PTPRB: variants seen among roughly 807,000 people sequenced by gnomAD.
The protein encoded by PTPRB is protein tyrosine phosphatase receptor type B.
PTPRB carries 97 observed loss-of-function variants against 238.1 expected under a neutral mutation model. That is an observed-to-expected ratio of 0.41 (90% CI 0.35 to 0.48). The LOEUF (loss-of-function observed/expected upper bound fraction) is 0.48. Ranked by LOEUF, PTPRB falls within the 20% of genes least tolerant of loss-of-function variation. The pLI is 0.30. For synonymous variants in PTPRB, 970 were observed against 995.4 expected, an observed-to-expected ratio of 0.97 and a Z score of 0.48; for missense variants, 2,292 against 2,681.9, an observed-to-expected ratio of 0.85 and a Z score of 3.21.
At chr12:70,550,383 CT>C (rs1166848277) in intron 21 of PTPRB, among the ~76,000 whole-genome samples, 1 of 152,150 alleles carries the variant, frequency 6.6e-6, no homozygotes, top group Non-Finnish European at 1.5e-5. Context: ...GGAGACAAGG[CT>C]GGTGAGGCAG....
intron 9 of PTPRB, among the ~76,000 whole-genome samples, chr12:70,581,816 AAT>A (rs886858082): frequency 1.3e-4 from 20 of 150,500 alleles, no homozygotes; most frequent in African/African-American, 4.6e-4. Flanking sequence ...TATAAATTAT[AAT>A]ATATATATTA....
intron 3 of PTPRB, among the ~76,000 whole-genome samples, chr12:70,612,886 C>T (rs1223656553): frequency 6.6e-6 from 1 of 152,074 alleles, no homozygotes; most frequent in African/African-American, 2.4e-5. Flanking sequence ...ACTCAGGAGG[C>T]TGCAGCAGGA....
chr12:70,597,541 G>C (rs1052731923), intron 4 of PTPRB, among the ~76,000 whole-genome samples: 1 of 152,158 alleles, frequency 6.6e-6, no homozygotes, highest in Non-Finnish European at 1.5e-5. Flanking sequence ...TAGAACTATT[G>C]AGAGACCTCT....
At chr12:70,578,021 G>T (rs1880977102) in intron 10 of PTPRB, among the ~76,000 whole-genome samples, 1 of 151,952 alleles carries the variant, frequency 6.6e-6, no homozygotes, top group Non-Finnish European at 1.5e-5. Flanking sequence ...GGAAATATTT[G>T]CAACTACTAA....
In PTPRB at chr12:70,623,444, C is replaced by A. The variant is rs141482913; in HGVS notation, c.452-798G>T. 3.5e-3 allele frequency among the ~76,000 whole-genome samples: 526 copies of A among 152,296 alleles called. 7 individuals are homozygous for A. The highest frequency in any genetic ancestry group is 0.012 in the African/African-American group (508 of 41,558). On this transcript the variant is annotated intron_variant, in intron 2 of 33. Transcript: ENST00000334414. ...AATCTTGCTAATGTGCAAATTCTGA[C>A]GCACTAGAGATGGTCAGAGCCAGCC...
At position 70,609,156 on chromosome 12, in the gene PTPRB, A is replaced by T. The variant is rs1310619318; in HGVS notation, c.892T>A (p.Cys298Ser). ...CCTGCTTGTAAATCTTGAAGGTTAC[A>T]TCCGTATGTGGTGTTGTCTATCCGA... ...TFRIDNTTYGCNLQDLQAGTI... is the reference protein window; with the variant it reads ...TFRIDNTTYGSNLQDLQAGTI... The change falls in exon 4 of 34, where the codon TGT becomes AGT. Residue 298 changes from cysteine (C) to serine (S), a missense_variant. This residue lies in a region of PTPRB where 1,205 missense variants were observed against 1,287.8 expected (regional missense o/e 0.94). Coordinates refer to ENST00000334414, the MANE Select transcript of PTPRB (RefSeq NM_001109754.4). 2.5e-6 allele frequency: 4 copies of T among 1,614,040 alleles called. No individual in the cohort carries two copies. Among genetic ancestry groups the T allele is most frequent in the Non-Finnish European group, 3.4e-6 (4 of 1,179,894 alleles).
chr12:70,527,236 C>G (rs1406701822), intron 32 of PTPRB, among the ~76,000 whole-genome samples: 2 of 152,176 alleles, frequency 1.3e-5, no homozygotes, highest in Non-Finnish European at 2.9e-5. Flanking sequence ...ACATCAGATA[C>G]AATTGTGTAT....
At chr12:70,596,014 A>T in intron 5 of PTPRB, 35 bp downstream of exon 5, 6 of 1,475,052 alleles carry the variant, frequency 4.1e-6, no homozygotes, top group Non-Finnish European at 5.5e-6. Context: ...AAAGTATCCT[A>T]TTAACTACTC....
intron 15 of PTPRB, among the ~76,000 whole-genome samples, chr12:70,564,229 C>T (rs34646451): frequency 0.3 from 46,157 of 151,978 alleles, 7,306 homozygotes; most frequent in Non-Finnish European, 0.36. Flanking sequence ...TTGTAAGTCC[C>T]GACCAGGTGC....
intron 21 of PTPRB, among the ~76,000 whole-genome samples, chr12:70,549,865 A>G (rs1876619529): frequency 6.6e-6 from 1 of 152,160 alleles, no homozygotes; most frequent in East Asian, 1.9e-4. Flanking sequence ...AAATATGTAC[A>G]CAGAGATGAT....
At chr12:70,599,703 T>C (rs1156614928) in intron 4 of PTPRB, among the ~76,000 whole-genome samples, 2 of 152,206 alleles carry the variant, frequency 1.3e-5, no homozygotes, top group African/African-American at 4.8e-5. Context: ...CAGAGTTCCA[T>C]AAGCAGGCTT....
chr12:70,596,947 C>T (rs1011827994), intron 4 of PTPRB, among the ~76,000 whole-genome samples: 3 of 150,330 alleles, frequency 2.0e-5, no homozygotes, highest in Admixed American at 6.6e-5. Flanking sequence ...GATGGAGTCT[C>T]GCTCTTGTCA....
At chr12:70,549,003 T>C (rs1170107841) in intron 21 of PTPRB, among the ~76,000 whole-genome samples, 1 of 152,250 alleles carries the variant, frequency 6.6e-6, no homozygotes. Flanking sequence ...TTATTCCTTA[T>C]GTCCTTCAAC....
intron 21 of PTPRB, among the ~76,000 whole-genome samples, chr12:70,548,586 G>C (rs2136286097): frequency 6.6e-6 from 1 of 152,236 alleles, no homozygotes; most frequent in Admixed American, 6.5e-5. Context: ...ACAAAGTACT[G>C]AATGAATGCA....
intron 28 of PTPRB, among the ~76,000 whole-genome samples, chr12:70,537,582 ATAT>A (rs1874366924): frequency 6.6e-6 from 1 of 152,298 alleles, no homozygotes; most frequent in East Asian, 1.9e-4. Flanking sequence ...TATGAGGTAA[ATAT>A]TATTATCATC....
intron 4 of PTPRB, among the ~76,000 whole-genome samples, chr12:70,601,658 G>A (rs976089644): frequency 6.6e-6 from 1 of 151,918 alleles, no homozygotes; most frequent in Non-Finnish European, 1.5e-5. Context: ...GGGTGGGATG[G>A]GGCAAAAAAC....
At chr12:70,621,441 C>A (rs1013763476) in intron 3 of PTPRB, among the ~76,000 whole-genome samples, 3 of 152,100 alleles carry the variant, frequency 2.0e-5, no homozygotes, top group African/African-American at 7.2e-5. Context: ...AGTAATGGGG[C>A]TTTTCTAACT....
At chr12:70,582,488 A>G (rs1881491278) in intron 9 of PTPRB, among the ~76,000 whole-genome samples, 1 of 152,194 alleles carries the variant, frequency 6.6e-6, no homozygotes, top group East Asian at 1.9e-4. Flanking sequence ...GATTGATAGA[A>G]CAGAATTGAG....
chr12:70,553,686 A>G (rs1048790867), intron 20 of PTPRB, among the ~76,000 whole-genome samples: 1 of 152,248 alleles, frequency 6.6e-6, no homozygotes, highest in African/African-American at 2.4e-5. Context: ...GATAAATACT[A>G]TAGAGATCAG....
Sources: allele counts gnomAD v4.1 joint callset (sites outside exome capture counted in the v4.1 genomes callset), GRCh38; gene constraint gnomAD v4.1.1; regional missense constraint gnomAD v4.1.1; transcripts MANE v1.5; gene names NCBI Gene and HGNC (gene_info 2026-07-23, HGNC 2026-07-21).